AGFG1: variants seen among roughly 807,000 people sequenced by gnomAD.
AGFG1 encodes the protein ArfGAP with FG repeats 1, also known as arf-GAP domain and FG repeat-containing protein 1.
Under a neutral mutation model 60.6 loss-of-function variants are expected in AGFG1, and 10 were observed. The ratio of observed to expected loss-of-function variants is 0.16; its 90% confidence interval spans 0.10 to 0.28. AGFG1 has a LOEUF of 0.28. AGFG1 is among the 10% of genes least tolerant of loss of function. AGFG1 has a pLI of 1.00. For synonymous variants in AGFG1, 247 were observed against 242.9 expected (o/e 1.02, Z -0.16); for missense variants, 537 against 676.5 (o/e 0.79, Z 2.29).
At chr2:227,540,635 G>A (rs1272372767) in intron 10 of AGFG1, among the ~76,000 whole-genome samples, 4 of 152,156 alleles carry the variant, frequency 2.6e-5, no homozygotes, top group Admixed American at 2.6e-4. Context: ...TTGCTATCGT[G>A]AATAGTGCCG....
chr2:227,532,075 T>G, intron 6 of AGFG1: 2 of 1,353,412 alleles, frequency 1.5e-6, no homozygotes, highest in Non-Finnish European at 2.0e-6. Context: ...AAGCCTTTTC[T>G]TTCAATTTTC....
In AGFG1 at chr2:227,472,520, C is replaced by G. The variant is rs760186264; in HGVS notation, c.99C>G (p.Asp33Glu). 2 of 1,582,428 alleles carry G rather than the reference C, an allele frequency of 1.3e-6. No homozygotes were observed. The highest frequency in any genetic ancestry group is 1.7e-6 in the Non-Finnish European group (2 of 1,164,276). The change falls in exon 1 of 13, where the codon GAC becomes GAG. Residue 33 changes from aspartate (D) to glutamate (E), a missense_variant. By Grantham distance (45) the Asp-to-Glu change is conservative. Coordinates refer to ENST00000310078, the MANE Select transcript of AGFG1 (RefSeq NM_004504.5). ...ACAACCGAAAGTGCTTCGACTGCGA[C>G]CAGCGCGGCCCCACCTACGTTAACA... Reference protein sequence around the residue: ...LPHNRKCFDCDQRGPTYVNMT... With the variant: ...LPHNRKCFDCEQRGPTYVNMT...
intron 8 of AGFG1, 144 bp downstream of exon 8, chr2:227,535,169 G>T (rs1692270008): frequency 1.1e-6 from 1 of 900,942 alleles, no homozygotes; most frequent in African/African-American, 1.7e-5. Flanking sequence ...GAATTTAAAT[G>T]CTAATTAAAA....
rs1575107747 is a variant in AGFG1, at chr2:227,536,903, A to C, written c.1288A>C (p.Thr430Pro). The change falls in exon 10 of 13, where the codon ACG becomes CCG. Residue 430 changes from threonine to proline, a missense_variant and splice_region_variant. By Grantham distance (38) the Thr-to-Pro change is conservative. Around this residue, in one of 4 missense-constraint regions of AGFG1, gnomAD observed 287 missense variants for 343.6 expected, o/e 0.84. Coordinates refer to ENST00000310078, the MANE Select transcript of AGFG1 (RefSeq NM_004504.5). ...SSSVPAPFGA[T>P]PSTNPFVAAA... is the part of the protein sequence containing the mutation. ...GTGTATTTTATAATTTTTTAAAGCTACGCCTTCCACAAATCCATTTGTTGC... is the reference window on the plus strand; with the variant it reads ...GTGTATTTTATAATTTTTTAAAGCTCCGCCTTCCACAAATCCATTTGTTGC... 10 of 1,611,836 alleles carry C rather than the reference A, an allele frequency of 6.2e-6. No individual in the cohort carries two copies. Among genetic ancestry groups the C allele is most frequent in the Non-Finnish European group, 7.6e-6 (9 of 1,178,792 alleles).
In AGFG1 at chr2:227,558,137, T is replaced by A. The variant is rs1234720162; in HGVS notation, c.*3642T>A. ...TCATTTGTAAAACAATTTTCATATT[T>A]CATCTCTTACAATCCCTGCAGTGGA... On this transcript the variant is annotated 3_prime_UTR_variant, in exon 13 of 13. Coordinates refer to ENST00000310078, the MANE Select transcript of AGFG1 (RefSeq NM_004504.5). 2 of 152,192 alleles carry A rather than the reference T, an allele frequency of 1.3e-5. No homozygotes were observed. The highest frequency in any genetic ancestry group is 4.8e-5 in the African/African-American group (2 of 41,452). 9.4% of individuals were successfully genotyped at this position (152,192 alleles called of 1,614,324 possible).
chr2:227,519,675 T>C (rs1691770439), intron 2 of AGFG1, among the ~76,000 whole-genome samples: 1 of 152,214 alleles, frequency 6.6e-6, no homozygotes, highest in African/African-American at 2.4e-5. Flanking sequence ...TGGTGAAGTT[T>C]ATGATTATGC....
chr2:227,514,720 A>G (rs1691603518), intron 2 of AGFG1, among the ~76,000 whole-genome samples: 1 of 152,142 alleles, frequency 6.6e-6, no homozygotes, highest in African/African-American at 2.4e-5. Flanking sequence ...ACATTATTCT[A>G]CAATTAGAAT....
chr2:227,523,650 C>T, intron 3 of AGFG1, 113 bp from the exon 4 acceptor site: 1 of 1,036,608 alleles, frequency 9.6e-7, no homozygotes, highest in Non-Finnish European at 1.4e-6. Context: ...AGAGGGTTTT[C>T]AGATAAGATT....
At chr2:227,506,345 G>C (rs1691311235) in intron 2 of AGFG1, among the ~76,000 whole-genome samples, 1 of 152,116 alleles carries the variant, frequency 6.6e-6, no homozygotes. Flanking sequence ...ACATAGGTCA[G>C]GAGTGAGCCA....
At position 227,472,203 on chromosome 2, in the gene AGFG1, CG is replaced by C; in HGVS notation, c.-217del. ...GTGGCGGCGGCGGCGGCGGTTGTCCCGGCTGTGCCGGTTGGTGTGGCCCGTC... is the reference window on the plus strand; with the variant it reads ...GTGGCGGCGGCGGCGGCGGTTGTCCCGCTGTGCCGGTTGGTGTGGCCCGTC... On this transcript the variant is annotated 5_prime_UTR_variant, in exon 1 of 13. Coordinates refer to ENST00000310078, the MANE Select transcript of AGFG1 (RefSeq NM_004504.5). 6.2e-6 allele frequency: 1 copy of C among 160,220 alleles called. No homozygotes were observed. The highest frequency in any genetic ancestry group is 1.3e-5 in the Non-Finnish European group (1 of 74,186). 9.9% of individuals were successfully genotyped at this position (160,220 alleles called of 1,614,324 possible). A position where few individuals can be genotyped will look rare whatever the true frequency, so the allele number is the denominator to read the frequency against.
chr2:227,531,596 AT>A (rs35965525), intron 6 of AGFG1, among the ~76,000 whole-genome samples: 74,853 of 130,382 alleles, frequency 0.57, 20,794 homozygotes, highest in South Asian at 0.67. Context: ...TCCCAGCTAA[AT>A]TTTTTTTTTT....
chr2:227,532,175 A>G (rs1692182740), intron 6 of AGFG1: 1 of 1,548,810 alleles, frequency 6.5e-7, no homozygotes. Flanking sequence ...GTTTTGGTGA[A>G]TTTACTTCAG....
chr2:227,506,127 C>T (rs1296518844), intron 2 of AGFG1, among the ~76,000 whole-genome samples: 3 of 152,124 alleles, frequency 2.0e-5, no homozygotes, highest in South Asian at 2.1e-4. Flanking sequence ...CAGAATCTGT[C>T]GCTGTTTGAT....
At chr2:227,524,989 C>T (rs1691948439) in intron 5 of AGFG1, 74 bp downstream of exon 5, 1 of 1,531,966 alleles carries the variant, frequency 6.5e-7, no homozygotes, top group Non-Finnish European at 9.0e-7. Flanking sequence ...CTTTATCACA[C>T]TTTGAGGATC....
chr2:227,497,815 G>A (rs1445842429), intron 2 of AGFG1, among the ~76,000 whole-genome samples: 3 of 130,302 alleles, frequency 2.3e-5, no homozygotes, highest in Admixed American at 9.4e-5. Flanking sequence ...TGCAATCTTG[G>A]CTCACTGCAA....
At chr2:227,552,925 C>A (rs1274279058) in intron 11 of AGFG1, among the ~76,000 whole-genome samples, 1 of 146,362 alleles carries the variant, frequency 6.8e-6, no homozygotes, top group Non-Finnish European at 1.5e-5. Context: ...TTGCTTGAAC[C>A]CGGGAGGCGG....
chr2:227,488,451 A>G (rs960723974), intron 1 of AGFG1, among the ~76,000 whole-genome samples: 1 of 152,192 alleles, frequency 6.6e-6, no homozygotes. Flanking sequence ...CATCCTTTTA[A>G]TAGTGTTTGA....
At chr2:227,542,366 A>G (rs77245954) in intron 10 of AGFG1, among the ~76,000 whole-genome samples, 8 of 152,202 alleles carry the variant, frequency 5.3e-5, no homozygotes, top group Non-Finnish European at 1.0e-4. Flanking sequence ...AGTTTTTAGC[A>G]TGAAGGGCTG....
At chr2:227,545,386 C>T (rs1692614106) in intron 10 of AGFG1, among the ~76,000 whole-genome samples, 1 of 152,210 alleles carries the variant, frequency 6.6e-6, no homozygotes, top group South Asian at 2.1e-4. Flanking sequence ...TTTTTAGCTT[C>T]CTTGCGATAG....
Sources: gnomAD v4.1 joint callset for allele counts (sites outside exome capture counted in the v4.1 genomes callset) on GRCh38, gnomAD v4.1.1 for gene constraint, gnomAD v4.1.1 regional missense constraint, MANE v1.5 for transcripts, NCBI Gene and HGNC (gene_info 2026-07-23, HGNC 2026-07-21) for gene names.